The following SLC26A1 variants were observed in gnomAD, a reference collection of about 807,000 sequenced individuals.
The protein encoded by SLC26A1 is solute carrier family 26 member 1.
SLC26A1 carries 18 observed loss-of-function variants against 14.5 expected under a neutral mutation model. That is an observed-to-expected ratio of 1.24 (90% CI 0.86 to 1.84). The LOEUF (loss-of-function observed/expected upper bound fraction) is 1.84. Among genes scored for constraint, SLC26A1 ranks in the 40% most tolerant of loss-of-function variants. The probability of loss-of-function intolerance (pLI) is 0.00; values close to 1 mark genes in which losing one functional copy is unlikely to be tolerated. For synonymous variants in SLC26A1, 505 were observed against 492.0 expected (o/e 1.03, Z -0.35); for missense variants, 1,049 against 1,020.0 (o/e 1.03, Z -0.39).
rs776577611 is a variant in SLC26A1 at position 989,031 on chromosome 4, G to A, written c.1908C>T (p.Asp636=). 1.3e-6 allele frequency: 2 copies of A among 1,582,454 alleles called. No individual in the cohort carries two copies. Among genetic ancestry groups the A allele is most frequent in the Admixed American group, 1.8e-5 (1 of 55,616 alleles). Reference sequence around the variant, plus strand: ...GCAGGCTGATGCCCAGGGCCCCGTAGTCTCGGCGCAGGTCCTGCAGCGTGC... The same window carrying A: ...GCAGGCTGATGCCCAGGGCCCCGTAATCTCGGCGCAGGTCCTGCAGCGTGC... The part of the protein sequence containing the change: ...GVSTLQDLRR[D]YGALGISLLL... Residue 636 remains aspartate, a synonymous_variant, in exon 3 of 3, where the codon GAC becomes GAT. Transcript: ENST00000398516.
At chr4:991,762 G>A in intron 1 of SLC26A1, 32 bp from the exon 2 acceptor site, 1 of 1,529,212 alleles carries the variant, frequency 6.5e-7, no homozygotes, top group Non-Finnish European at 8.7e-7. Context: ...GGTCACAGGA[G>A]CCCCCGGATC....
Position 987,978 on chromosome 4 carries a change from C to T in SLC26A1, c.*855G>A, listed in dbSNP as rs1051666603. On this transcript the variant is annotated 3_prime_UTR_variant, in exon 3 of 3. Transcript: ENST00000398516. ...GGCGGCGGGCAGGGTCTGGGCGTCCCAGAGCCCCTTACAGAGGCACAGATG... is the reference window on the plus strand; with the variant it reads ...GGCGGCGGGCAGGGTCTGGGCGTCCTAGAGCCCCTTACAGAGGCACAGATG... 6.5e-7 allele frequency: 1 copy of T among 1,548,218 alleles called. No homozygotes were observed.
exon 3 of SLC26A1, chr4:979,111 G>T (rs1404721536): frequency 4.1e-6 from 1 of 245,670 alleles, no homozygotes; most frequent in Non-Finnish European, 7.8e-6. Flanking sequence ...AGAGGAAGAC[G>T]AAAGGTAATC....
Position 988,093 on chromosome 4 carries a change from C to T in SLC26A1, c.*740G>A, listed in dbSNP as rs1424555250. On this transcript the variant is annotated 3_prime_UTR_variant, in exon 3 of 3. Coordinates refer to ENST00000398516, the MANE Select transcript of SLC26A1 (RefSeq NM_022042.4). ...GTTGGGGAGAGCGTGTCCTTGCTGG[C>T]TGTGCTGGGGTGAGGGCTGTGTGCT... The T allele has an allele frequency of 1.4e-6, 2 of 1,451,200 alleles. No homozygotes were observed. Among genetic ancestry groups the T allele is most frequent in the Non-Finnish European group, 9.1e-7 (1 of 1,101,274 alleles). 89.9% of individuals were successfully genotyped at this position (1,451,200 alleles called of 1,614,324 possible). A position where few individuals can be genotyped will look rare whatever the true frequency, so the allele number is the denominator to read the frequency against.
downstream of SLC26A1, chr4:987,227 G>T (rs1309472813): frequency 1.3e-6 from 2 of 1,502,728 alleles, no homozygotes; most frequent in Non-Finnish European, 1.8e-6. Context: ...CGCTTCTGGA[G>T]GAGCACAGGC....
At position 988,682 on chromosome 4, in the gene SLC26A1, G is replaced by C; in HGVS notation, c.*151C>G. On this transcript the variant is annotated 3_prime_UTR_variant, in exon 3 of 3. Coordinates refer to ENST00000398516, the MANE Select transcript of SLC26A1 (RefSeq NM_022042.4). ...TGTGATCAGAGGGCCTCCTTTCCCA[G>C]TTGGGGTTCCCCGGTTTCCCCAGGG... 7.1e-7 allele frequency: 1 copy of C among 1,415,158 alleles called. No homozygotes were observed. Among genetic ancestry groups the C allele is most frequent in the Non-Finnish European group, 9.2e-7 (1 of 1,089,778 alleles). The allele number at this position is 1,415,158 out of a possible 1,614,324, so 87.7% of individuals were successfully genotyped here.
chr4:990,590 C>T (rs1714210464), intron 2 of SLC26A1: 1 of 583,492 alleles, frequency 1.7e-6, no homozygotes, highest in African/African-American at 1.9e-5. Flanking sequence ...CACACGTGCA[C>T]ACAGCTGGCC....
chr4:987,099 C>A (rs750154430), downstream of SLC26A1: 3 of 1,463,780 alleles, frequency 2.0e-6, no homozygotes, highest in Non-Finnish European at 1.8e-6. Flanking sequence ...GTCCCCTGCG[C>A]CCCCGCGCCG....
In SLC26A1 at chr4:990,261, C is replaced by T. The variant is rs373839581; in HGVS notation, c.678G>A (p.Ser226=). The stretch of plus-strand genomic sequence containing the variant: ...GCACGCCCAGCAGGTGTTTGAGCTG[C>T]GAGGTCAGGATGGTCACGGAGGCCC... ...AMGASVTILT[S]QLKHLLGVRI... The change falls in exon 3 of 3, where the codon TCG becomes TCA. Residue 226 remains serine (S), a synonymous_variant. Transcript: ENST00000398516. 23 of 1,592,570 alleles carry T rather than the reference C, an allele frequency of 1.4e-5. No homozygotes were observed. The highest frequency in any genetic ancestry group is 1.8e-5 in the Admixed American group (1 of 55,862).
chr4:989,148 G>C lies in SLC26A1; in HGVS notation c.1791C>G (p.Ser597Arg). The C allele has an allele frequency of 6.2e-7, 1 of 1,607,860 alleles. No homozygotes were observed. The highest frequency in any genetic ancestry group is 8.5e-7 in the Non-Finnish European group (1 of 1,176,932). Reference protein sequence around the residue: ...PAQGEDLGPVSTRAALVPAAA... With the variant: ...PAQGEDLGPVRTRAALVPAAA... ...CTGCGGGCACCAGCGCAGCCCTGGT[G>C]CTAACCGGGCCCAGGTCCTCGCCCT... The change falls in exon 3 of 3, where the codon AGC becomes AGG. Residue 597 changes from serine to arginine, a missense_variant. By Grantham distance (110) the Ser-to-Arg change is moderately radical. Coordinates refer to ENST00000398516, the MANE Select transcript of SLC26A1 (RefSeq NM_022042.4).
At position 989,526 on chromosome 4, in the gene SLC26A1, C is replaced by T. The variant is rs775844133; in HGVS notation, c.1413G>A (p.Ala471=). ...TGGCCGCGGTGCCTGCCCAGACCAG[C>T]GCGTCAGCCGGGCTCATCCGCCACA... is the stretch of plus-strand genomic sequence containing the variant. ...PRLWRMSPAD[A]LVWAGTAATC... is the part of the protein sequence containing the mutation. The change falls in exon 3 of 3, where the codon GCG becomes GCA. Residue 471 remains alanine, a synonymous_variant. Coordinates refer to ENST00000398516, the MANE Select transcript of SLC26A1 (RefSeq NM_022042.4). The T allele has an allele frequency of 1.6e-5, 25 of 1,554,698 alleles. No homozygotes were observed. Among genetic ancestry groups the T allele is most frequent in the Middle Eastern group, 1.7e-4 (1 of 5,916 alleles).
chr4:986,546 T>C (rs1478496555), downstream of SLC26A1, among the ~76,000 whole-genome samples: 1 of 152,262 alleles, frequency 6.6e-6, no homozygotes, highest in African/African-American at 2.4e-5. Flanking sequence ...AACAATATTT[T>C]CAGTCTGCTT....
At chr4:987,416 G>GGGGCGT (rs896888458), downstream of SLC26A1, among the ~76,000 whole-genome samples, 3 of 152,180 alleles carry the variant, frequency 2.0e-5, no homozygotes, top group African/African-American at 2.4e-5. Context: ...AGTGGGCGCC[G>GGGGCGT]GGGCGTGAGC....
chr4:987,523 C>T (rs1713829613), downstream of SLC26A1: 2 of 941,288 alleles, frequency 2.1e-6, no homozygotes, highest in African/African-American at 1.7e-5. Flanking sequence ...TGCAGCGGGA[C>T]CTGGCCTGCC....
In SLC26A1 at chr4:989,096, CGAT is replaced by C; in HGVS notation, c.1840_1842del (p.Ile614del). On this transcript the variant is annotated inframe_deletion, in exon 3 of 3. Transcript: ENST00000398516. ...TCTAGGAACAGCAGCGGGGCGCAGTCGATGACCACTGTGTGGAAGCCGGCCGCT... is the reference window on the plus strand; with the variant it reads ...TCTAGGAACAGCAGCGGGGCGCAGTCGACCACTGTGTGGAAGCCGGCCGCT... 6.2e-7 allele frequency: 1 copy of C among 1,602,208 alleles called. No individual in the cohort carries two copies. Among genetic ancestry groups the C allele is most frequent in the South Asian group, 1.1e-5 (1 of 89,730 alleles).
Position 989,757 on chromosome 4 carries a change from G to A in SLC26A1, c.1182C>T (p.Ala394=), listed in dbSNP as rs1714096902. ...NVLPAFLHCF[A]TSAALAKSLV... is the part of the protein sequence containing the mutation. ...GGCTCTTGGCCAGGGCGGCGCTGGT[G>A]GCGAAGCAGTGGAGGAAGGCGGGTA... Residue 394 remains alanine, a synonymous_variant, in exon 3 of 3, where the codon GCC becomes GCT. Transcript: ENST00000398516. The A allele has an allele frequency of 6.4e-7, 1 of 1,558,326 alleles. No individual in the cohort carries two copies. The highest frequency in any genetic ancestry group is 8.7e-7 in the Non-Finnish European group (1 of 1,151,658).
downstream of SLC26A1, among the ~76,000 whole-genome samples, chr4:987,400 C>T (rs186394244): frequency 9.8e-4 from 149 of 152,300 alleles, no homozygotes; most frequent in African/African-American, 3.6e-3. Flanking sequence ...GTGGGTCCTC[C>T]ACCTGAGTGG....
intron 2 of SLC26A1, among the ~76,000 whole-genome samples, chr4:981,214 C>T (rs1404640853): frequency 6.6e-6 from 1 of 152,270 alleles, no homozygotes; most frequent in Non-Finnish European, 1.5e-5. Flanking sequence ...GAGGCGCGGG[C>T]CCACGTGCAT....
chr4:979,296 G>C (rs544884055), exon 3 of SLC26A1: 9 of 707,774 alleles, frequency 1.3e-5, no homozygotes, highest in African/African-American at 1.8e-5. Context: ...TTTTCCCCAG[G>C]TGCTGATCCA....
Sources: allele counts gnomAD v4.1 joint callset (sites outside exome capture counted in the v4.1 genomes callset), GRCh38; gene constraint gnomAD v4.1.1; transcripts MANE v1.5; gene names NCBI Gene and HGNC (gene_info 2026-07-23, HGNC 2026-07-21).